Variants in EMILIN2 observed in about 807,000 individuals in gnomAD.
EMILIN2 encodes the protein elastin microfibril interfacer 2.
In EMILIN2, 71 loss-of-function variants were observed where a neutral mutation model predicts 87.1. The observed-to-expected ratio is 0.82, with a 90% CI of 0.67 to 0.99. The LOEUF is 0.99. Among genes scored for constraint, EMILIN2 ranks in the 50% least tolerant of loss-of-function variants. The pLI, the probability that EMILIN2 is intolerant of heterozygous loss-of-function variation, is 0.00. For missense variants in EMILIN2, 1,407 were observed against 1,371.8 expected (o/e 1.03, Z -0.40); for synonymous variants, 581 against 563.4 (o/e 1.03, Z -0.44).
intron 4 of EMILIN2, among the ~76,000 whole-genome samples, chr18:2,899,884 G>T (rs1395488454): frequency 6.6e-6 from 1 of 152,234 alleles, no homozygotes; most frequent in Admixed American, 6.5e-5. Flanking sequence ...CTCTGTCGGG[G>T]TTCTGTGATA....
intron 7 of EMILIN2, among the ~76,000 whole-genome samples, chr18:2,911,102 G>T (rs1299384798): frequency 6.6e-6 from 1 of 151,996 alleles, no homozygotes. Flanking sequence ...TGAGACTGAG[G>T]CAAGTTTTAG....
rs1379750871 is a variant in EMILIN2 at position 2,847,858 on chromosome 18, G to C, written c.184G>C (p.Glu62Gln). The change falls in exon 2 of 8, where the codon GAG becomes CAG. Residue 62 changes from glutamate (E) to glutamine (Q), a missense_variant. Physicochemically the swap from Glu to Gln is conservative, Grantham distance 29. Coordinates refer to ENST00000254528, the MANE Select transcript of EMILIN2 (RefSeq NM_032048.3). The surrounding 1 kb of genome is among the most constrained non-coding windows in gnomAD (Gnocchi z 4.5). The part of the protein sequence containing the change: ...VNKNVSCSVL[E>Q]GSESFIQAQY... ...CAAGAATGTGAGCTGCTCCGTGCTG[G>C]AGGGAAGTGAGAGTTTTATTCAGGC... is the stretch of plus-strand genomic sequence containing the variant. 3 of 1,613,694 alleles carry C rather than the reference G, an allele frequency of 1.9e-6. No homozygotes were observed. The highest frequency in any genetic ancestry group is 2.5e-6 in the Non-Finnish European group (3 of 1,179,840).
In EMILIN2 at chr18:2,906,880, C is replaced by A. The variant is rs917743384; in HGVS notation, c.2457C>A (p.Asp819Glu). 3.2e-5 allele frequency: 44 copies of A among 1,392,860 alleles called. No homozygotes were observed. The African/African-American group carries it at 5.8e-4, about 18-fold the overall frequency. 86.3% of individuals were successfully genotyped at this position (1,392,860 alleles called of 1,614,324 possible). A position where few individuals can be genotyped will look rare whatever the true frequency, so the allele number is the denominator to read the frequency against. Residue 819 changes from aspartate (D) to glutamate (E), a missense_variant, in exon 5 of 8, where the codon GAC (aspartate) becomes GAA (glutamate). By Grantham distance (45) the Asp-to-Glu change is conservative. Coordinates refer to ENST00000254528, the MANE Select transcript of EMILIN2 (RefSeq NM_032048.3). ...PRPSGPATAE[D>E]PGRRPVLPQR... is the part of the protein sequence containing the mutation. ...CCAGCGGCCCCGCAACCGCAGAGGA[C>A]CCTGGGCGACGGCCCGTCCTGCCCC...
chr18:2,906,786 C>A lies in EMILIN2; in HGVS notation c.2363C>A (p.Ala788Glu). ...CTTTCTCCCCGACGCCCGGCAGAGG[C>A]GCCCTCGCCCCCGCCGCCCGCAGAG... ...DLVKFQPSAK[A>E]PSPPPPAEAP... The change falls in exon 5 of 8, where the codon GCG becomes GAG. Residue 788 changes from alanine to glutamate, a missense_variant. Ala to Glu is a moderately radical substitution (Grantham distance 107). Coordinates refer to ENST00000254528, the MANE Select transcript of EMILIN2 (RefSeq NM_032048.3). The A allele has an allele frequency of 7.9e-7, 1 of 1,262,104 alleles. No homozygotes were observed. Among genetic ancestry groups the A allele is most frequent in the Non-Finnish European group, 9.9e-7 (1 of 1,008,282 alleles). The allele number at this position is 1,262,104 out of a possible 1,614,324, so 78.2% of individuals were successfully genotyped here.
Position 2,891,454 on chromosome 18 carries a change from G to A in EMILIN2, c.1327G>A (p.Asp443Asn). Residue 443 changes from aspartate (D) to asparagine (N), a missense_variant, in exon 4 of 8, where the codon GAT becomes AAT. Physicochemically the swap from Asp to Asn is conservative, Grantham distance 23. Transcript: ENST00000254528. The surrounding 1 kb of genome is among the most constrained non-coding windows in gnomAD (Gnocchi z 4.6). ...EFDRLIVPEP[D>N]VDFDAKWNEL... is the part of the protein sequence containing the mutation. Reference sequence around the variant, plus strand: ...TGACCGCCTTATAGTTCCAGAGCCAGATGTGGATTTTGATGCAAAATGGAA... The same window carrying A: ...TGACCGCCTTATAGTTCCAGAGCCAAATGTGGATTTTGATGCAAAATGGAA... 3 of 1,614,242 alleles carry A rather than the reference G, an allele frequency of 1.9e-6. No homozygotes were observed. The highest frequency in any genetic ancestry group is 2.5e-6 in the Non-Finnish European group (3 of 1,180,032).
At chr18:2,867,472 G>C (rs2076692297) in intron 2 of EMILIN2, among the ~76,000 whole-genome samples, 1 of 152,164 alleles carries the variant, frequency 6.6e-6, no homozygotes, top group Admixed American at 6.6e-5. Context: ...AAGGTCTCTG[G>C]CTTTCCTAGG....
rs149714951 is a variant in EMILIN2 at position 2,891,302 on chromosome 18, C to G, written c.1175C>G (p.Ala392Gly). 1.2e-6 allele frequency: 2 copies of G among 1,614,150 alleles called. No homozygotes were observed. Among genetic ancestry groups the G allele is most frequent in the African/African-American group, 1.3e-5 (1 of 75,034 alleles). ...CGAGCCCGGCTACAGGAGCCTTCAG[C>G]CCAGGCAAATTGCTGCGACAGTGAA... ...NLRARLQEPS[A>G]QANCCDSEKN... Residue 392 changes from alanine to glycine, a missense_variant, in exon 4 of 8, where the codon GCC becomes GGC. Transcript: ENST00000254528. This position sits in a 1 kb window ranked among gnomAD's most constrained non-coding sequence, Gnocchi z 4.6.
intron 2 of EMILIN2, among the ~76,000 whole-genome samples, chr18:2,873,644 T>C (rs1262482141): frequency 1.3e-5 from 2 of 151,724 alleles, no homozygotes; most frequent in South Asian, 2.1e-4. Context: ...GAGGCGGAGC[T>C]TGCAGTGAGC....
rs192020875 is a variant in EMILIN2 at position 2,855,854 on chromosome 18, C to T, written c.257+7923C>T. The stretch of plus-strand genomic sequence containing the variant: ...AGAACTTTTAAAAATTGCGCTGTCA[C>T]ACTAACGTACTGCATACCCAGCAGG... On this transcript the variant is annotated intron_variant, in intron 2 of 7. Transcript: ENST00000254528. Among the ~76,000 whole-genome samples the T allele has an allele frequency of 3.1e-4, 47 of 152,292 alleles. 1 individual carries two copies. In the East Asian group the frequency reaches 7.7e-3, roughly 25 times the overall value.
chr18:2,884,248 G>C (rs939610685), intron 2 of EMILIN2, among the ~76,000 whole-genome samples: 13 of 150,914 alleles, frequency 8.6e-5, no homozygotes, highest in Non-Finnish European at 1.6e-4. Flanking sequence ...GAGCCACCGC[G>C]CCCAGCCTCT....
At chr18:2,863,559 G>A (rs1312221267) in intron 2 of EMILIN2, among the ~76,000 whole-genome samples, 1 of 152,140 alleles carries the variant, frequency 6.6e-6, no homozygotes, top group Non-Finnish European at 1.5e-5. Context: ...CTGAGTTCTA[G>A]TTTGATTGCA....
chr18:2,908,796 G>T, intron 5 of EMILIN2, 147 bp from the exon 6 acceptor site: 1 of 893,676 alleles, frequency 1.1e-6, no homozygotes, highest in South Asian at 1.4e-5. Flanking sequence ...GGAGGGCAGT[G>T]ACAGTGGGTG....
chr18:2,894,681 G>T lies in EMILIN2; in HGVS notation c.2359+2195G>T, dbSNP rs749214154. ...TGCCATACAAAACATTATCCCTTTG[G>T]ACTGAACTCATTGTGGTGAGTGTAG... On this transcript the variant is annotated intron_variant, in intron 4 of 7. Coordinates refer to ENST00000254528, the MANE Select transcript of EMILIN2 (RefSeq NM_032048.3). This position sits in a 1 kb window ranked among gnomAD's most constrained non-coding sequence, Gnocchi z 5.0. Among the ~76,000 whole-genome samples, 1 of 152,162 alleles carries T rather than the reference G, an allele frequency of 6.6e-6. No individual in the cohort carries two copies. The highest frequency in any genetic ancestry group is 1.5e-5 in the Non-Finnish European group (1 of 68,040).
chr18:2,913,058 T>G lies in EMILIN2; in HGVS notation c.2825-9T>G, dbSNP rs766865046. ...CAGGTGAGCACAGGGTTTGCCTTTC[T>G]CCCCGCAGGGGTCTTCACGGCTCCT... On this transcript the variant is annotated splice_polypyrimidine_tract_variant and intron_variant, in intron 7 of 7. Coordinates refer to ENST00000254528, the MANE Select transcript of EMILIN2 (RefSeq NM_032048.3). The G allele has an allele frequency of 6.2e-7, 1 of 1,606,472 alleles. No individual in the cohort carries two copies. Among genetic ancestry groups the G allele is most frequent in the South Asian group, 1.1e-5 (1 of 91,072 alleles).
intron 2 of EMILIN2, among the ~76,000 whole-genome samples, chr18:2,849,190 C>A (rs2076591643): frequency 6.6e-6 from 1 of 152,112 alleles, no homozygotes; most frequent in Non-Finnish European, 1.5e-5. Flanking sequence ...TCGTCTATGG[C>A]CAGCAGTCAA....
rs765648370 is a variant in EMILIN2 at position 2,913,248 on chromosome 18, C to CG, written c.3011dup (p.Ala1007GlyfsTer29). 3.1e-6 allele frequency: 5 copies of CG among 1,613,846 alleles called. No individual in the cohort carries two copies. Among genetic ancestry groups the CG allele is most frequent in the Middle Eastern group, 1.7e-4 (1 of 6,060 alleles). Reference sequence around the variant, plus strand: ...GCCCTCCAGGAGCTTTGCATACCTGCGGGGGCCCGGGGGCATTCCACCTCA... The same window carrying CG: ...GCCCTCCAGGAGCTTTGCATACCTGCGGGGGGCCCGGGGGCATTCCACCTCA... On this transcript the variant is annotated frameshift_variant, in exon 8 of 8. Coordinates refer to ENST00000254528, the MANE Select transcript of EMILIN2 (RefSeq NM_032048.3). LOFTEE classifies it high-confidence loss of function.
chr18:2,910,775 T>C (rs2076936921), intron 7 of EMILIN2, among the ~76,000 whole-genome samples: 1 of 152,240 alleles, frequency 6.6e-6, no homozygotes, highest in African/African-American at 2.4e-5. Context: ...ACTGTCTGGC[T>C]AAATCCCATC....
chr18:2,895,256 C>A (rs571557954), intron 4 of EMILIN2, among the ~76,000 whole-genome samples: 2 of 151,936 alleles, frequency 1.3e-5, no homozygotes, highest in South Asian at 2.1e-4. Context: ...CTGAGCTGAG[C>A]CCTCAGTGTA....
rs149386560 is a variant in EMILIN2, at chr18:2,913,572, A to G, written c.*168A>G. On this transcript the variant is annotated 3_prime_UTR_variant, in exon 8 of 8. Transcript: ENST00000254528. ...CCACCATGCCTTACTGCATCCAGCC[A>G]GGCTGCAGGGAGTGAGGCACACGGT... 128 of 600,466 alleles carry G rather than the reference A, an allele frequency of 2.1e-4. No individual in the cohort carries two copies. The African/African-American group carries it at 2.2e-3, about 10-fold the overall frequency. The allele number at this position is 600,466 out of a possible 1,614,324, so 37.2% of individuals were successfully genotyped here.
Sources: gnomAD v4.1 joint callset for allele counts (sites outside exome capture counted in the v4.1 genomes callset) on GRCh38, gnomAD v4.1.1 for gene constraint, Gnocchi (gnomAD v3.1) non-coding constraint, MANE v1.5 for transcripts, NCBI Gene and HGNC (gene_info 2026-07-23, HGNC 2026-07-21) for gene names.